Variants in GRIP1 observed in about 807,000 individuals in gnomAD.
The protein encoded by GRIP1 is glutamate receptor-interacting protein 1.
GRIP1 carries 45 observed loss-of-function variants against 129.9 expected under a neutral mutation model. The ratio of observed to expected loss-of-function variants is 0.35; its 90% CI spans 0.27 to 0.44. GRIP1 has a LOEUF of 0.44. GRIP1 is among the 20% of genes least tolerant of loss of function. The pLI, the probability that GRIP1 is intolerant of heterozygous loss-of-function variation, is 1.00. For synonymous variants in GRIP1, 530 were observed against 520.8 expected (o/e 1.02, Z -0.24); for missense variants, 1,196 against 1,396.8 (o/e 0.86, Z 2.29).
intron 6 of GRIP1, 89 bp downstream of exon 6, chr12:66,517,812 G>T: frequency 1.3e-6 from 1 of 761,762 alleles, no homozygotes. Flanking sequence ...ACATTTTACT[G>T]TAAAATTTCT....
At chr12:67,041,637 A>C (rs1189993807) in intron 1 of GRIP1, among the ~76,000 whole-genome samples, 1 of 152,150 alleles carries the variant, frequency 6.6e-6, no homozygotes, top group Non-Finnish European at 1.5e-5. Context: ...AAAGTAGTTC[A>C]TCTAGCAGAC....
At chr12:66,500,362 G>A (rs1029396670) in intron 7 of GRIP1, among the ~76,000 whole-genome samples, 3 of 152,072 alleles carry the variant, frequency 2.0e-5, no homozygotes, top group Non-Finnish European at 4.4e-5. Context: ...GTAAAACCTC[G>A]GTGACAAATC....
chr12:66,927,040 A>G (rs1244230728), intron 1 of GRIP1, among the ~76,000 whole-genome samples: 9 of 152,184 alleles, frequency 5.9e-5, no homozygotes, highest in Admixed American at 5.9e-4. Flanking sequence ...AAGGGCTTCT[A>G]CGACATAGAC....
chr12:66,704,246 T>C (rs2035451669), intron 1 of GRIP1, among the ~76,000 whole-genome samples: 1 of 151,994 alleles, frequency 6.6e-6, no homozygotes, highest in African/African-American at 2.4e-5. Flanking sequence ...GGTGAACATA[T>C]CATCTTTTGA....
chr12:66,592,793 T>C (rs2063895481), intron 2 of GRIP1, among the ~76,000 whole-genome samples: 1 of 152,204 alleles, frequency 6.6e-6, no homozygotes, highest in African/African-American at 2.4e-5. Context: ...GTACAGATTT[T>C]CTCTAATGAC....
chr12:66,517,057 G>GTTA (rs1565817614), intron 6 of GRIP1, among the ~76,000 whole-genome samples: 3 of 152,078 alleles, frequency 2.0e-5, no homozygotes, highest in East Asian at 3.9e-4. Context: ...ATAAATAATG[G>GTTA]TTATTATTAT....
intron 1 of GRIP1, among the ~76,000 whole-genome samples, chr12:66,982,089 T>C (rs1490936139): frequency 1.3e-5 from 2 of 152,218 alleles, no homozygotes; most frequent in Non-Finnish European, 2.9e-5. Context: ...ATTTGGATAG[T>C]AACTCTGTGA....
At chr12:66,528,009 C>T (rs890749396) in intron 5 of GRIP1, among the ~76,000 whole-genome samples, 1 of 152,046 alleles carries the variant, frequency 6.6e-6, no homozygotes, top group Non-Finnish European at 1.5e-5. Context: ...GTTTATATAG[C>T]TCCCTATTGA....
intron 1 of GRIP1, chr12:66,892,078 C>T (rs1483624619): frequency 6.5e-6 from 1 of 152,770 alleles, no homozygotes. Context: ...AGCACCCACA[C>T]TTGCTGTGAG....
intron 1 of GRIP1, among the ~76,000 whole-genome samples, chr12:66,928,024 A>G (rs770470426): frequency 3.9e-5 from 6 of 152,210 alleles, no homozygotes; most frequent in East Asian, 1.9e-4. Context: ...CCAATTTAAG[A>G]AAAATGAAGA....
intron 1 of GRIP1, among the ~76,000 whole-genome samples, chr12:66,847,138 G>C (rs1230936935): frequency 1.3e-5 from 2 of 152,162 alleles, no homozygotes; most frequent in Non-Finnish European, 2.9e-5. Context: ...TTTAAAAACT[G>C]TATTACAAGC....
intron 1 of GRIP1, among the ~76,000 whole-genome samples, chr12:66,670,024 T>G (rs1450157265): frequency 6.6e-6 from 1 of 152,204 alleles, no homozygotes; most frequent in Non-Finnish European, 1.5e-5. Flanking sequence ...CTTTAACCAA[T>G]GAAGTCTACT....
intron 1 of GRIP1, among the ~76,000 whole-genome samples, chr12:66,642,275 AG>A (rs2032000064): frequency 6.6e-6 from 1 of 151,898 alleles, no homozygotes; most frequent in Non-Finnish European, 1.5e-5. Flanking sequence ...TGGAGAGGAG[AG>A]AACTCCAGCA....
At chr12:66,455,944 G>A (rs11835627) in intron 10 of GRIP1, among the ~76,000 whole-genome samples, 26,176 of 152,122 alleles carry the variant, frequency 0.17, 2,401 homozygotes, top group African/African-American at 0.23. Context: ...CATTGTCTCT[G>A]TATAATATTC....
chr12:66,812,815 C>T (rs1394233705), intron 1 of GRIP1, among the ~76,000 whole-genome samples: 1 of 152,150 alleles, frequency 6.6e-6, no homozygotes, highest in Non-Finnish European at 1.5e-5. Flanking sequence ...GTTTGACATA[C>T]TTTTTAGGAG....
In GRIP1 at chr12:67,026,564, A is replaced by G. The variant is rs142187148; in HGVS notation, c.58+42486T>C. Reference sequence around the variant, plus strand: ...TCAATAAATGTTAGCTCCTGTCATTATTTCTATTGAAGCTGGCTTTCCAGC... The same window carrying G: ...TCAATAAATGTTAGCTCCTGTCATTGTTTCTATTGAAGCTGGCTTTCCAGC... On this transcript the variant is annotated intron_variant, in intron 1 of 1. Transcript: ENST00000643019. 1.7e-3 allele frequency among the ~76,000 whole-genome samples: 256 copies of G among 152,278 alleles called. 2 individuals carry two copies. Among genetic ancestry groups the G allele is most frequent in the African/African-American group, 6.0e-3 (248 of 41,570 alleles).
intron 1 of GRIP1, among the ~76,000 whole-genome samples, chr12:66,694,685 CTT>C (rs1338354797): frequency 2.0e-5 from 3 of 152,146 alleles, no homozygotes; most frequent in Non-Finnish European, 4.4e-5. Context: ...GTGATATTAA[CTT>C]ATTATTTCTG....
chr12:66,384,708 C>T (rs148894627), intron 19 of GRIP1, among the ~76,000 whole-genome samples: 2 of 152,280 alleles, frequency 1.3e-5, no homozygotes, highest in African/African-American at 4.8e-5. Flanking sequence ...CATATTTCAT[C>T]AGGCCTGAAA....
intron 2 of GRIP1, among the ~76,000 whole-genome samples, chr12:66,573,925 A>G (rs768819974): frequency 1.3e-5 from 2 of 152,186 alleles, no homozygotes; most frequent in African/African-American, 4.8e-5. Context: ...CCTCTGGCCT[A>G]TGAGTTCTAG....
Sources: allele counts gnomAD v4.1 joint callset (sites outside exome capture counted in the v4.1 genomes callset), GRCh38; gene constraint gnomAD v4.1.1; transcripts MANE v1.5; gene names NCBI Gene and HGNC (gene_info 2026-07-23, HGNC 2026-07-21).